CHAF1B: variants seen among roughly 807,000 people sequenced by gnomAD.
The protein encoded by CHAF1B is CAF-1 subunit B.
CHAF1B carries 10 observed loss-of-function variants against 60.7 expected under a neutral mutation model. That is an observed-to-expected ratio of 0.16 (90% CI 0.10 to 0.28). The LOEUF (loss-of-function observed/expected upper bound fraction) is 0.28, where lower values mean the gene tolerates loss of function less well. CHAF1B is among the 10% of genes least tolerant of loss of function. The pLI, the probability that CHAF1B is intolerant of heterozygous loss-of-function variation, is 1.00. For missense variants in CHAF1B, 558 were observed against 708.4 expected (o/e 0.79, Z 2.41); for synonymous variants, 261 against 266.1 (o/e 0.98, Z 0.19).
chr21:36,404,412 T>TA (rs1283396968), intron 8 of CHAF1B, among the ~76,000 whole-genome samples: 1 of 149,528 alleles, frequency 6.7e-6, no homozygotes, highest in Non-Finnish European at 1.5e-5. Context: ...TTTTTTTTTT[T>TA]AAATTATTTA....
At chr21:36,409,948 CATT>C (rs926002284) in intron 10 of CHAF1B, among the ~76,000 whole-genome samples, 1 of 150,736 alleles carries the variant, frequency 6.6e-6, no homozygotes, top group African/African-American at 2.4e-5. Context: ...CTATGTCTCT[CATT>C]ATCAATTTTC....
chr21:36,412,023 C>T (rs955470606), intron 11 of CHAF1B, among the ~76,000 whole-genome samples: 10 of 152,114 alleles, frequency 6.6e-5, no homozygotes, highest in African/African-American at 1.2e-4. Context: ...CCACCACGCC[C>T]GGCCCCAATT....
In CHAF1B at chr21:36,399,598, A is replaced by G. The variant is rs1161471353; in HGVS notation, c.656A>G (p.Glu219Gly). The change falls in exon 7 of 14, where the codon GAA becomes GGA. Residue 219 changes from glutamate to glycine, a missense_variant. This residue lies in a region of CHAF1B where 325 missense variants were observed against 493.5 expected (regional missense o/e 0.66). Transcript: ENST00000314103. ...VSKMLSGIGA[E>G]GEARSYRMFH... ...AAGATGCTGTCTGGAATAGGGGCTGAAGGAGAGGTATAAAATATTTTGCCA... is the reference window on the plus strand; with the variant it reads ...AAGATGCTGTCTGGAATAGGGGCTGGAGGAGAGGTATAAAATATTTTGCCA... 3.1e-6 allele frequency: 5 copies of G among 1,613,758 alleles called. No individual in the cohort carries two copies. The highest frequency in any genetic ancestry group is 4.2e-6 in the Non-Finnish European group (5 of 1,179,636).
In CHAF1B at chr21:36,386,080, T is replaced by C; in HGVS notation, c.-57T>C. On this transcript the variant is annotated 5_prime_UTR_variant, in exon 2 of 14. Transcript: ENST00000314103. Reference sequence around the variant, plus strand: ...ACCAGCATTTTGCAGCTTTCTCCTGTCTTGAAGAAGTAGAACGGTGCCCGA... The same window carrying C: ...ACCAGCATTTTGCAGCTTTCTCCTGCCTTGAAGAAGTAGAACGGTGCCCGA... 2 of 1,606,006 alleles carry C rather than the reference T, an allele frequency of 1.2e-6. No individual in the cohort carries two copies. The highest frequency in any genetic ancestry group is 1.7e-6 in the Non-Finnish European group (2 of 1,174,570).
chr21:36,386,054 C>A lies in CHAF1B; in HGVS notation c.-77-6C>A. Reference sequence around the variant, plus strand: ...CTGTTAACACTGTTGTTTAATCCATCACCAGCATTTTGCAGCTTTCTCCTG... The same window carrying A: ...CTGTTAACACTGTTGTTTAATCCATAACCAGCATTTTGCAGCTTTCTCCTG... On this transcript the variant is annotated splice_polypyrimidine_tract_variant and splice_region_variant and intron_variant, in intron 1 of 13. Coordinates refer to ENST00000314103, the MANE Select transcript of CHAF1B (RefSeq NM_005441.3). The A allele has an allele frequency of 6.4e-7, 1 of 1,552,474 alleles. No homozygotes were observed. The highest frequency in any genetic ancestry group is 1.2e-5 in the South Asian group (1 of 85,962).
chr21:36,393,447 T>C (rs886486437), intron 4 of CHAF1B, among the ~76,000 whole-genome samples: 1 of 114,864 alleles, frequency 8.7e-6, no homozygotes, highest in African/African-American at 3.6e-5. Context: ...ACAGCTATCC[T>C]TTTTTTTTTT....
At chr21:36,407,317 AGT>A (rs2086246060) in intron 8 of CHAF1B, among the ~76,000 whole-genome samples, 1 of 149,346 alleles carries the variant, frequency 6.7e-6, no homozygotes, top group African/African-American at 2.5e-5. Context: ...AAAAAAAAAA[AGT>A]ATATGTTCAA....
intron 8 of CHAF1B, among the ~76,000 whole-genome samples, chr21:36,405,438 A>T (rs2086230496): frequency 3.3e-5 from 5 of 151,898 alleles, no homozygotes. Context: ...TTATTTATTT[A>T]TTTTTTGAGA....
At chr21:36,405,762 C>A (rs542295632) in intron 8 of CHAF1B, among the ~76,000 whole-genome samples, 1 of 152,176 alleles carries the variant, frequency 6.6e-6, no homozygotes, top group East Asian at 1.9e-4. Flanking sequence ...GGGGCAGGAC[C>A]TTTATGGAGA....
intron 11 of CHAF1B, among the ~76,000 whole-genome samples, chr21:36,412,053 A>G (rs974061271): frequency 6.6e-6 from 1 of 152,164 alleles, no homozygotes; most frequent in South Asian, 2.1e-4. Context: ...AAAGGAATCA[A>G]CATTAAAAGG....
At position 36,416,629 on chromosome 21, in the gene CHAF1B, C is replaced by T. The variant is rs970554640; in HGVS notation, c.*263C>T. On this transcript the variant is annotated 3_prime_UTR_variant, in exon 14 of 14. Transcript: ENST00000314103. ...AGTTTCTGAAACTGGAGCGGTTCAA[C>T]GTTATCCAGTGTGAAAATCAGTGAG... is the stretch of plus-strand genomic sequence containing the variant. 4.1e-5 allele frequency: 13 copies of T among 315,094 alleles called. No individual in the cohort carries two copies. Among genetic ancestry groups the T allele is most frequent in the South Asian group, 9.4e-5 (1 of 10,610 alleles). 19.5% of individuals were successfully genotyped at this position (315,094 alleles called of 1,614,324 possible).
intron 11 of CHAF1B, among the ~76,000 whole-genome samples, chr21:36,412,345 G>A (rs1306626849): frequency 2.0e-5 from 3 of 151,960 alleles, no homozygotes; most frequent in East Asian, 1.9e-4. Flanking sequence ...TTCAGCCCCC[G>A]TGGCCTGCTT....
In CHAF1B at chr21:36,411,749, G is replaced by T. The variant is rs922494773; in HGVS notation, c.1061+145G>T. On this transcript the variant is annotated intron_variant, in intron 11 of 13. Coordinates refer to ENST00000314103, the MANE Select transcript of CHAF1B (RefSeq NM_005441.3). Reference sequence around the variant, plus strand: ...TTTTGTTTCTTATTTATTTTTTTGAGACCAAGTATCACTCTGTCACCCGGG... The same window carrying T: ...TTTTGTTTCTTATTTATTTTTTTGATACCAAGTATCACTCTGTCACCCGGG... 5.9e-5 allele frequency: 57 copies of T among 973,748 alleles called. No individual in the cohort carries two copies. The African/African-American group carries it at 7.9e-4, about 13-fold the overall frequency. The allele number at this position is 973,748 out of a possible 1,614,324, so 60.3% of individuals were successfully genotyped here. A position where few individuals can be genotyped will look rare whatever the true frequency, so the allele number is the denominator to read the frequency against.
intron 2 of CHAF1B, among the ~76,000 whole-genome samples, chr21:36,387,219 G>GTTTTTTTTTTTTTTTTTTTTTTT (rs1471540790): frequency 7.1e-6 from 1 of 141,316 alleles, no homozygotes; most frequent in African/African-American, 2.7e-5. Flanking sequence ...AATAAGCATA[G>GTTTTTTTTTTTTTTTTTTTTTTT]TTTTGTTTTT....
rs1226856614 is a variant in CHAF1B at position 36,391,566 on chromosome 21, T to C, written c.275T>C (p.Leu92Ser). ...CACCCTGCAGATGCTGTCATCCTAT[T>C]GTGGAAGGTGAATGATAACAAGGAG... is the stretch of plus-strand genomic sequence containing the variant. ...ASGGDDAVILLWKVNDNKEPE... is the reference protein window; with the variant it reads ...ASGGDDAVILSWKVNDNKEPE... Residue 92 changes from leucine (L) to serine (S), a missense_variant, in exon 4 of 14, where the codon TTG (leucine) becomes TCG (serine). Physicochemically the swap from Leu to Ser is moderately radical, Grantham distance 145. This residue lies in a region of CHAF1B where 325 missense variants were observed against 493.5 expected (regional missense o/e 0.66). Coordinates refer to ENST00000314103, the MANE Select transcript of CHAF1B (RefSeq NM_005441.3). 1 of 1,610,874 alleles carries C rather than the reference T, an allele frequency of 6.2e-7. No individual in the cohort carries two copies. Among genetic ancestry groups the C allele is most frequent in the African/African-American group, 1.3e-5 (1 of 74,900 alleles).
At chr21:36,389,800 T>TGTGTGTGCGCGC in intron 3 of CHAF1B, among the ~76,000 whole-genome samples, 2,482 of 124,608 alleles carry the variant, frequency 0.02, 38 homozygotes, top group Non-Finnish European at 0.025. Context: ...TGTGTGTGTG[T>TGTGTGTGCGCGC]GCGCGCGCAC....
chr21:36,408,937 C>G, intron 9 of CHAF1B, 107 bp downstream of exon 9: 3 of 721,516 alleles, frequency 4.2e-6, no homozygotes, highest in Non-Finnish European at 4.8e-6. Flanking sequence ...TCACTGCAAC[C>G]TCTGCCTCCC....
At chr21:36,399,497 A>G (rs1193905666) in intron 6 of CHAF1B, 24 bp from the exon 7 acceptor site, 2 of 1,600,772 alleles carry the variant, frequency 1.2e-6, no homozygotes, top group South Asian at 1.1e-5. Flanking sequence ...TAGAAGTGGT[A>G]AATCAGACAT....
At chr21:36,399,331 C>T (rs563696905) in intron 6 of CHAF1B, among the ~76,000 whole-genome samples, 190 bp from the exon 7 acceptor site, 3 of 152,264 alleles carry the variant, frequency 2.0e-5, no homozygotes, top group South Asian at 2.1e-4. Context: ...CTACCGCGCC[C>T]GGCCTGTAAT....
Sources: allele counts gnomAD v4.1 joint callset (sites outside exome capture counted in the v4.1 genomes callset), GRCh38; gene constraint gnomAD v4.1.1; regional missense constraint gnomAD v4.1.1; transcripts MANE v1.5; gene names NCBI Gene and HGNC (gene_info 2026-07-23, HGNC 2026-07-21).